IMMP2L: variants seen among roughly 807,000 people sequenced by gnomAD.
IMMP2L encodes mitochondrial inner membrane protease subunit 2.
In IMMP2L, 18 loss-of-function variants were observed where a neutral mutation model predicts 19.3. That is an observed-to-expected ratio of 0.93 (90% CI 0.64 to 1.38). The LOEUF (loss-of-function observed/expected upper bound fraction) is 1.38. IMMP2L is among the 40% of genes most tolerant of loss of function. The probability of loss-of-function intolerance (pLI) is 0.00; values close to 1 mark genes in which losing one functional copy is unlikely to be tolerated. For synonymous variants in IMMP2L, 76 were observed against 73.0 expected (o/e 1.04, Z -0.21); for missense variants, 233 against 218.2 (o/e 1.07, Z -0.43).
chr7:111,478,812 G>A (rs1175912870), intron 3 of IMMP2L, among the ~76,000 whole-genome samples: 1 of 151,854 alleles, frequency 6.6e-6, no homozygotes, highest in East Asian at 1.9e-4. Context: ...GTTTTATATT[G>A]TTTTTCTTGG....
intron 3 of IMMP2L, among the ~76,000 whole-genome samples, chr7:111,114,430 A>G (rs1799602958): frequency 6.6e-6 from 1 of 152,190 alleles, no homozygotes; most frequent in Admixed American, 6.5e-5. Flanking sequence ...AGTACATTGT[A>G]TTAAGTTTGC....
intron 3 of IMMP2L, among the ~76,000 whole-genome samples, chr7:111,145,778 A>C (rs1803404359): frequency 6.6e-6 from 1 of 152,140 alleles, no homozygotes; most frequent in African/African-American, 2.4e-5. Context: ...CTATGAAGCA[A>C]AAACTTGGGA....
intron 3 of IMMP2L, among the ~76,000 whole-genome samples, chr7:111,254,295 T>C (rs1816465136): frequency 6.6e-6 from 1 of 152,124 alleles, no homozygotes; most frequent in African/African-American, 2.4e-5. Context: ...CTAAGCACTC[T>C]GGAATGATCC....
intron 3 of IMMP2L, among the ~76,000 whole-genome samples, chr7:111,044,548 C>T (rs938864158): frequency 2.6e-5 from 4 of 151,976 alleles, no homozygotes; most frequent in South Asian, 2.1e-4. Flanking sequence ...GCGACAAGAG[C>T]GAAACTCTGC....
intron 3 of IMMP2L, among the ~76,000 whole-genome samples, chr7:111,468,559 T>C (rs1840904368): frequency 6.6e-6 from 1 of 152,064 alleles, no homozygotes; most frequent in Non-Finnish European, 1.5e-5. Flanking sequence ...GAGTTAAAGA[T>C]AGAACAGCAG....
At chr7:111,374,817 C>A (rs888353070) in intron 3 of IMMP2L, among the ~76,000 whole-genome samples, 2 of 152,134 alleles carry the variant, frequency 1.3e-5, no homozygotes, top group Non-Finnish European at 2.9e-5. Context: ...ACACTGGATG[C>A]TGCATTCAAT....
At chr7:111,345,393 T>C (rs549086092) in intron 3 of IMMP2L, among the ~76,000 whole-genome samples, 68 of 152,288 alleles carry the variant, frequency 4.5e-4, no homozygotes, top group Non-Finnish European at 8.5e-4. Flanking sequence ...ATAAGCCCTA[T>C]GTTGCACACA....
intron 3 of IMMP2L, among the ~76,000 whole-genome samples, chr7:111,451,428 T>C (rs973987580): frequency 1.3e-5 from 2 of 149,368 alleles, no homozygotes; most frequent in African/African-American, 5.0e-5. Flanking sequence ...TGGATGAAAT[T>C]GGAAACCATC....
At chr7:111,311,622 T>C (rs899330756) in intron 3 of IMMP2L, among the ~76,000 whole-genome samples, 5 of 152,142 alleles carry the variant, frequency 3.3e-5, no homozygotes, top group Admixed American at 1.3e-4. Context: ...CCTCATTTCA[T>C]TTAAGGGCTG....
At chr7:111,170,622 C>T (rs1417916886) in intron 3 of IMMP2L, among the ~76,000 whole-genome samples, 1 of 151,802 alleles carries the variant, frequency 6.6e-6, no homozygotes, top group East Asian at 1.9e-4. Flanking sequence ...GATAATCCTA[C>T]AAATCGACAC....
chr7:111,000,142 A>C (rs2129561137), intron 3 of IMMP2L, among the ~76,000 whole-genome samples: 1 of 152,256 alleles, frequency 6.6e-6, no homozygotes, highest in African/African-American at 2.4e-5. Context: ...CTGGGAACAG[A>C]AATTGGGGAG....
intron 3 of IMMP2L, among the ~76,000 whole-genome samples, chr7:111,148,848 C>G (rs10241771): frequency 0.067 from 10,110 of 151,862 alleles, 723 homozygotes; most frequent in African/African-American, 0.17. Context: ...CACTTGAATA[C>G]TAATAGTTCC....
At chr7:111,092,504 G>C (rs941128811) in intron 3 of IMMP2L, among the ~76,000 whole-genome samples, 11 of 152,100 alleles carry the variant, frequency 7.2e-5, no homozygotes, top group African/African-American at 2.7e-4. Context: ...GTGAAAAGGG[G>C]ATAATGTGAA....
intron 5 of IMMP2L, among the ~76,000 whole-genome samples, chr7:110,700,369 A>ATTT (rs79344864): frequency 0.2 from 30,453 of 152,052 alleles, 3,431 homozygotes; most frequent in Non-Finnish European, 0.26. Context: ...CTTTCAAAGC[A>ATTT]CCACTACTTG....
At chr7:111,441,586 TATA>T (rs1837724378) in intron 3 of IMMP2L, among the ~76,000 whole-genome samples, 1 of 151,542 alleles carries the variant, frequency 6.6e-6, no homozygotes, top group Non-Finnish European at 1.5e-5. Context: ...TCATAGCAGA[TATA>T]ATAACAAAAA....
chr7:110,738,172 ACACCAGCT>A (rs1796760401), intron 5 of IMMP2L, among the ~76,000 whole-genome samples: 1 of 152,228 alleles, frequency 6.6e-6, no homozygotes, highest in Non-Finnish European at 1.5e-5. Flanking sequence ...CCAAAAGATC[ACACCAGCT>A]CACCAGCAAT....
At chr7:111,297,162 A>G (rs930924554) in intron 3 of IMMP2L, among the ~76,000 whole-genome samples, 8 of 152,198 alleles carry the variant, frequency 5.3e-5, no homozygotes, top group African/African-American at 1.9e-4. Flanking sequence ...ATGAATCTAC[A>G]AATGTGACAA....
At chr7:111,507,114 T>G (rs374664155) in intron 2 of IMMP2L, among the ~76,000 whole-genome samples, 2 of 152,324 alleles carry the variant, frequency 1.3e-5, no homozygotes, top group East Asian at 1.9e-4. Context: ...GTGCTGGGAT[T>G]ATAGGCGTGA....
chr7:111,273,697 T>C (rs1383513005), intron 3 of IMMP2L, among the ~76,000 whole-genome samples: 1 of 152,036 alleles, frequency 6.6e-6, no homozygotes, highest in African/African-American at 2.4e-5. Context: ...AAGTTCTGGA[T>C]ATACAGAGGT....
Sources: allele counts gnomAD v4.1 joint callset (sites outside exome capture counted in the v4.1 genomes callset), GRCh38; gene constraint gnomAD v4.1.1; transcripts MANE v1.5; gene names NCBI Gene and HGNC (gene_info 2026-07-23, HGNC 2026-07-21).